The following PRKAA1 variants were observed in gnomAD, a reference collection of about 807,000 sequenced individuals.
The protein encoded by PRKAA1 is 5'-AMP-activated protein kinase catalytic subunit alpha-1.
Under a neutral mutation model 56.9 loss-of-function variants are expected in PRKAA1, and 23 were observed. That is an observed-to-expected ratio of 0.40 (90% CI 0.29 to 0.57). The LOEUF (loss-of-function observed/expected upper bound fraction) is 0.57. PRKAA1 is among the 20% of genes least tolerant of loss of function. The pLI, the probability that PRKAA1 is intolerant of heterozygous loss-of-function variation, is 0.39. For synonymous variants in PRKAA1, 226 were observed against 227.0 expected (o/e 1.00, Z 0.04); for missense variants, 413 against 679.7 (o/e 0.61, Z 4.36).
chr5:40,777,333 C>A, intron 2 of PRKAA1, 112 bp downstream of exon 2: 1 of 1,267,732 alleles, frequency 7.9e-7, no homozygotes, highest in Non-Finnish European at 1.1e-6. Flanking sequence ...CTTTTCAAAA[C>A]CCTTAGGAAA....
In PRKAA1 at chr5:40,777,617, C is replaced by T. The variant is rs774481695; in HGVS notation, c.128-31G>A. The T allele has an allele frequency of 3.9e-6, 6 of 1,554,760 alleles. 1 individual carries two copies. In the African/African-American group the frequency reaches 4.2e-5, roughly 11 times the overall value. Reference sequence around the variant, plus strand: ...AAAGAAGTAATTTAATAAATTAGTACTAAGTATGATTAATAATATATTTAC... The same window carrying T: ...AAAGAAGTAATTTAATAAATTAGTATTAAGTATGATTAATAATATATTTAC... On this transcript the variant is annotated intron_variant, in intron 1 of 8. Transcript: ENST00000397128.
intron 1 of PRKAA1, among the ~76,000 whole-genome samples, chr5:40,788,759 G>A (rs750678430): frequency 6.6e-6 from 1 of 151,774 alleles, no homozygotes; most frequent in Non-Finnish European, 1.5e-5. Flanking sequence ...CCCGGGAGGC[G>A]GACGCTGCAG....
chr5:40,764,284 G>A (rs541931871), intron 8 of PRKAA1: 1 of 384,708 alleles, frequency 2.6e-6, no homozygotes, highest in South Asian at 5.2e-5. Flanking sequence ...GACTACACCT[G>A]GCTTTAAGGA....
At chr5:40,785,546 G>A (rs546904014) in intron 1 of PRKAA1, among the ~76,000 whole-genome samples, 2 of 151,798 alleles carry the variant, frequency 1.3e-5, no homozygotes, top group East Asian at 3.9e-4. Context: ...CCAGCCCACA[G>A]ACATTTTACT....
intron 3 of PRKAA1, among the ~76,000 whole-genome samples, chr5:40,773,819 T>G (rs1201469193): frequency 6.6e-6 from 1 of 152,216 alleles, no homozygotes; most frequent in Non-Finnish European, 1.5e-5. Context: ...TATTGGGGAA[T>G]AAGACCTATA....
At chr5:40,788,880 CTG>C (rs1744604860) in intron 1 of PRKAA1, among the ~76,000 whole-genome samples, 1 of 151,324 alleles carries the variant, frequency 6.6e-6, no homozygotes, top group Non-Finnish European at 1.5e-5. Flanking sequence ...AACCCAAAGA[CTG>C]AGAAAACGTA....
rs995374247 is a variant in PRKAA1, at chr5:40,768,428, C to G, written c.597-738G>C. On this transcript the variant is annotated intron_variant, in intron 5 of 8. Transcript: ENST00000397128. ...TTTTATTTATTTAAATAACAACTTT[C>G]CACAGTCTCCATGTCCTGAATTGTT... The G allele has an allele frequency of 5.4e-6, 5 of 923,924 alleles. No homozygotes were observed. In the African/African-American group the frequency reaches 9.0e-5, roughly 17 times the overall value. The allele number at this position is 923,924 out of a possible 1,614,324, so 57.2% of individuals were successfully genotyped here.
In PRKAA1 at chr5:40,774,825, G is replaced by C. The variant is rs376795110; in HGVS notation, c.363+585C>G. ...TAACCTGGGTATGAGAAAAAGTATG[G>C]GCAGAGGGCAGTGTTGAGTTTTTGT... is the stretch of plus-strand genomic sequence containing the variant. On this transcript the variant is annotated intron_variant, in intron 3 of 8. Transcript: ENST00000397128. 79 of 914,976 alleles carry C rather than the reference G, an allele frequency of 8.6e-5. No homozygotes were observed. In the East Asian group the frequency reaches 1.4e-3, roughly 16 times the overall value. The allele number at this position is 914,976 out of a possible 1,614,324, so 56.7% of individuals were successfully genotyped here. A position where few individuals can be genotyped will look rare whatever the true frequency, so the allele number is the denominator to read the frequency against.
At chr5:40,785,241 T>C (rs1192948866) in intron 1 of PRKAA1, among the ~76,000 whole-genome samples, 2 of 150,102 alleles carry the variant, frequency 1.3e-5, no homozygotes, top group Non-Finnish European at 3.0e-5. Flanking sequence ...TTTTATTTTA[T>C]TTATTTTTTA....
rs1320870169 is a variant in PRKAA1 at position 40,775,509 on chromosome 5, G to A, written c.270-6C>T. ...GTGTACTGATGACCTGGTACCTGGTGAGAGAAAACATTGTCTACAAATATT... is the reference window on the plus strand; with the variant it reads ...GTGTACTGATGACCTGGTACCTGGTAAGAGAAAACATTGTCTACAAATATT... On this transcript the variant is annotated splice_region_variant and splice_polypyrimidine_tract_variant and intron_variant, in intron 2 of 8. Coordinates refer to ENST00000397128, the MANE Select transcript of PRKAA1 (RefSeq NM_006251.6). 1.3e-6 allele frequency: 2 copies of A among 1,558,130 alleles called. No homozygotes were observed. Among genetic ancestry groups the A allele is most frequent in the Non-Finnish European group, 1.8e-6 (2 of 1,129,490 alleles).
intron 1 of PRKAA1, among the ~76,000 whole-genome samples, chr5:40,796,283 A>G (rs964135389): frequency 6.6e-5 from 10 of 151,962 alleles, no homozygotes; most frequent in African/African-American, 2.4e-4. Context: ...ACCACACGGC[A>G]CTCCAGCCTG....
intron 6 of PRKAA1, among the ~76,000 whole-genome samples, chr5:40,765,911 A>G (rs1320169620): frequency 6.6e-6 from 1 of 152,106 alleles, no homozygotes; most frequent in Non-Finnish European, 1.5e-5. Context: ...GACCTGAACT[A>G]TGTCACTTTG....
chr5:40,788,472 TC>T (rs1561186499), intron 1 of PRKAA1, among the ~76,000 whole-genome samples: 1 of 152,098 alleles, frequency 6.6e-6, no homozygotes, highest in African/African-American at 2.4e-5. Context: ...TTGTATATGA[TC>T]CCCTAATGCA....
chr5:40,775,597 A>G (rs1743964789), intron 2 of PRKAA1, 94 bp from the exon 3 acceptor site: 1 of 976,514 alleles, frequency 1.0e-6, no homozygotes, highest in South Asian at 1.6e-5. Context: ...ACCAGGTACT[A>G]GGCTAGGAGC....
At chr5:40,763,079 GT>G in intron 8 of PRKAA1, 57 bp from the exon 9 acceptor site, 1 of 1,578,630 alleles carries the variant, frequency 6.3e-7, no homozygotes, top group African/African-American at 1.4e-5. Flanking sequence ...AAAAATTTTT[GT>G]AACAGTATTG....
intron 6 of PRKAA1, 124 bp downstream of exon 6, chr5:40,767,342 C>T (rs1743507507): frequency 6.7e-6 from 5 of 740,768 alleles, no homozygotes; most frequent in Non-Finnish European, 1.1e-5. Flanking sequence ...TGTGTCTATA[C>T]ACTCTATTTT....
At chr5:40,764,456 G>A (rs1171612351) in intron 8 of PRKAA1, 58 bp downstream of exon 8, 13 of 1,493,376 alleles carry the variant, frequency 8.7e-6, no homozygotes, top group South Asian at 7.8e-5. Flanking sequence ...GAATCAAGGC[G>A]TAAAATACCA....
chr5:40,765,737 G>A (rs1392709078), intron 6 of PRKAA1, among the ~76,000 whole-genome samples: 2 of 99,058 alleles, frequency 2.0e-5, no homozygotes, highest in African/African-American at 8.0e-5. Flanking sequence ...TGTTTTAAAT[G>A]AAGGAATTGA....
rs910614715 is a variant in PRKAA1 at position 40,762,160 on chromosome 5, T to C, written c.*618A>G. 1.3e-5 allele frequency: 2 copies of C among 152,682 alleles called. No individual in the cohort carries two copies. The highest frequency in any genetic ancestry group is 6.5e-5 in the Admixed American group (1 of 15,298). The allele number at this position is 152,682 out of a possible 1,614,324, so 9.5% of individuals were successfully genotyped here. ...GGTGGCACACGCCTGTAGTTCCAGC[T>C]ACTCAGGAAGCTGAGGCGGGAGAAT... On this transcript the variant is annotated 3_prime_UTR_variant, in exon 9 of 9. Transcript: ENST00000397128.
Sources: gnomAD v4.1 joint callset for allele counts (sites outside exome capture counted in the v4.1 genomes callset) on GRCh38, gnomAD v4.1.1 for gene constraint, MANE v1.5 for transcripts, NCBI Gene and HGNC (gene_info 2026-07-23, HGNC 2026-07-21) for gene names.